RPTOR: variants seen among roughly 807,000 people sequenced by gnomAD.
RPTOR encodes the protein regulatory-associated protein of mTOR.
A neutral mutation model predicts 169.9 loss-of-function variants in RPTOR; 21 were observed. That is an observed-to-expected ratio of 0.12 (90% CI 0.09 to 0.18). RPTOR has a LOEUF of 0.18. Among genes scored for constraint, RPTOR ranks in the 10% least tolerant of loss-of-function variants. The pLI, the probability that RPTOR is intolerant of heterozygous loss-of-function variation, is 1.00. For missense variants in RPTOR, 1,133 were observed against 1,855.9 expected, an observed-to-expected ratio of 0.61 and a Z score of 7.16; for synonymous variants, 732 against 753.2, an observed-to-expected ratio of 0.97 and a Z score of 0.46.
chr17:80,926,885 GA>G (rs1408703100), intron 24 of RPTOR, among the ~76,000 whole-genome samples: 4 of 152,212 alleles, frequency 2.6e-5, no homozygotes, highest in Non-Finnish European at 5.9e-5. Context: ...AGCACCTTTA[GA>G]GTCGGGGGAA....
chr17:80,546,721 A>G (rs2084279458), intron 1 of RPTOR, among the ~76,000 whole-genome samples: 1 of 152,186 alleles, frequency 6.6e-6, no homozygotes, highest in African/African-American at 2.4e-5. Context: ...TTTATGGAAT[A>G]TTATTGTTTT....
In RPTOR at chr17:80,845,632, G is replaced by A. The variant is rs1376389113; in HGVS notation, c.1213-841G>A. ...CCAGCAGCCTTTCCCCACCCTCCGT[G>A]CCCCCAGCTGGGTCTTTCTCACCAG... On this transcript the variant is annotated intron_variant, in intron 10 of 33. Coordinates refer to ENST00000306801, the MANE Select transcript of RPTOR (RefSeq NM_020761.3). The surrounding 1 kb of genome is among the most constrained non-coding windows in gnomAD (Gnocchi z 5.4). Among the ~76,000 whole-genome samples the A allele has an allele frequency of 1.3e-5, 2 of 151,254 alleles. No individual in the cohort carries two copies. Among genetic ancestry groups the A allele is most frequent in the African/African-American group, 4.9e-5 (2 of 41,092 alleles).
intron 5 of RPTOR, among the ~76,000 whole-genome samples, chr17:80,744,920 C>T (rs1259593590): frequency 6.6e-6 from 1 of 151,128 alleles, no homozygotes; most frequent in Non-Finnish European, 1.5e-5. Flanking sequence ...CTAGCACAGC[C>T]CTGGTTACTA....
chr17:80,960,201 G>A lies in RPTOR; in HGVS notation c.3601G>A (p.Glu1201Lys), dbSNP rs2144097317. 8 of 1,613,474 alleles carry A rather than the reference G, an allele frequency of 5.0e-6. No individual in the cohort carries two copies. The highest frequency in any genetic ancestry group is 5.1e-6 in the Non-Finnish European group (6 of 1,179,998). The change falls in exon 30 of 34, where the codon GAA (glutamate) becomes AAA (lysine). Residue 1201 changes from glutamate to lysine, a missense_variant. Around this residue, in one of 9 missense-constraint regions of RPTOR, gnomAD observed 410 missense variants for 623.7 expected, o/e 0.66. Transcript: ENST00000306801. This position sits in a 1 kb window ranked among gnomAD's most constrained non-coding sequence, Gnocchi z 4.8. ...RVYDRRMALS[E>K]CRVMTYREHT... ...CTACGACAGAAGGATGGCACTCAGCGAATGGTACCTTGACCCTGTCCTCTC... is the reference window on the plus strand; with the variant it reads ...CTACGACAGAAGGATGGCACTCAGCAAATGGTACCTTGACCCTGTCCTCTC...
chr17:80,955,550 C>CTA (rs2069237045), intron 28 of RPTOR, among the ~76,000 whole-genome samples: 1 of 152,198 alleles, frequency 6.6e-6, no homozygotes, highest in African/African-American at 2.4e-5. Flanking sequence ...ATAGGTTTGA[C>CTA]TCTACAGACT....
chr17:80,892,964 C>T, intron 19 of RPTOR, 95 bp downstream of exon 19: 2 of 1,452,506 alleles, frequency 1.4e-6, no homozygotes, highest in Non-Finnish European at 1.9e-6. Flanking sequence ...TGCCCCTGCC[C>T]CTTCGTCTAA....
chr17:80,563,565 C>CA (rs10649649), intron 1 of RPTOR, among the ~76,000 whole-genome samples: 1,952 of 94,162 alleles, frequency 0.021, 141 homozygotes, highest in African/African-American at 0.075. Flanking sequence ...ACTAAGTCTC[C>CA]AAAAAAAAAA....
intron 16 of RPTOR, among the ~76,000 whole-genome samples, chr17:80,884,240 C>T (rs1278645766): frequency 6.6e-6 from 1 of 152,220 alleles, no homozygotes; most frequent in Non-Finnish European, 1.5e-5. Context: ...GGGTCACGTG[C>T]TCGCTGTCCG....
intron 21 of RPTOR, among the ~76,000 whole-genome samples, chr17:80,915,078 G>T (rs2068656873): frequency 6.6e-6 from 1 of 152,248 alleles, no homozygotes; most frequent in Non-Finnish European, 1.5e-5. Context: ...CCATGCCGGG[G>T]TCTCCTCTCT....
chr17:80,896,465 GCACCGACACATC>G, intron 20 of RPTOR, among the ~76,000 whole-genome samples: 2 of 16,430 alleles, frequency 1.2e-4, no homozygotes, highest in East Asian at 4.5e-3. Flanking sequence ...CCACACGGCC[GCACCGACACATC>G]CCACGGCCGC....
chr17:80,945,485 A>G (rs8077224), intron 25 of RPTOR, 182 bp from the exon 26 acceptor site: 246,067 of 423,552 alleles, frequency 0.58, 72,996 homozygotes, highest in African/African-American at 0.72. Context: ...CCAGCTACTC[A>G]GGAGGCTGAG....
intron 7 of RPTOR, among the ~76,000 whole-genome samples, chr17:80,808,994 G>A (rs780746965): frequency 6.6e-6 from 1 of 152,142 alleles, no homozygotes; most frequent in Non-Finnish European, 1.5e-5. Flanking sequence ...TCTTTGTGTG[G>A]GCATATATAT....
rs958731561 is a variant in RPTOR at position 80,877,220 on chromosome 17, C to T, written c.1510-3195C>T. ...GTAATTTGGGCGAGTGAGCAGCAGC[C>T]GAGAGAGTCCACCCCAGTCCCCCTA... On this transcript the variant is annotated intron_variant, in intron 13 of 33. Transcript: ENST00000306801. 5.9e-5 allele frequency among the ~76,000 whole-genome samples: 9 copies of T among 152,328 alleles called. No homozygotes were observed. The East Asian group carries it at 1.2e-3, about 20-fold the overall frequency.
chr17:80,580,905 G>A (rs2143358758), intron 1 of RPTOR, among the ~76,000 whole-genome samples: 1 of 152,274 alleles, frequency 6.6e-6, no homozygotes, highest in East Asian at 1.9e-4. Context: ...TGGGGTTGCA[G>A]GCATGAGCCA....
At chr17:80,837,284 G>A (rs2067574796) in intron 9 of RPTOR, among the ~76,000 whole-genome samples, 1 of 152,134 alleles carries the variant, frequency 6.6e-6, no homozygotes, top group South Asian at 2.1e-4. Flanking sequence ...CAGGGTGCCT[G>A]GTGAGACCCA....
chr17:80,697,741 A>T (rs181166501), intron 3 of RPTOR, among the ~76,000 whole-genome samples: 1 of 152,350 alleles, frequency 6.6e-6, no homozygotes, highest in African/African-American at 2.4e-5. Flanking sequence ...GGTGCTGGGC[A>T]GGGAGCCTGT....
chr17:80,617,133 G>A (rs1210482529), intron 1 of RPTOR, among the ~76,000 whole-genome samples: 24 of 152,172 alleles, frequency 1.6e-4, no homozygotes, highest in Admixed American at 1.6e-3. Context: ...TGCATACACA[G>A]AAGGGCCAGG....
At chr17:80,599,950 ACTTCCTGG>A (rs1185825039) in intron 1 of RPTOR, among the ~76,000 whole-genome samples, 1 of 152,118 alleles carries the variant, frequency 6.6e-6, no homozygotes, top group African/African-American at 2.4e-5. Flanking sequence ...AAGGAAGAGG[ACTTCCTGG>A]GTTCAAAAAT....
intron 6 of RPTOR, among the ~76,000 whole-genome samples, chr17:80,755,840 C>A (rs1016112074): frequency 6.6e-6 from 1 of 151,942 alleles, no homozygotes; most frequent in Admixed American, 6.6e-5. Flanking sequence ...CCAGCCAGTA[C>A]CCCCACCTTA....
Sources: gnomAD v4.1 joint callset for allele counts (sites outside exome capture counted in the v4.1 genomes callset) on GRCh38, gnomAD v4.1.1 for gene constraint, gnomAD v4.1.1 regional missense constraint, Gnocchi (gnomAD v3.1) non-coding constraint, MANE v1.5 for transcripts, NCBI Gene and HGNC (gene_info 2026-07-23, HGNC 2026-07-21) for gene names.